CPED1: variants seen among roughly 807,000 people sequenced by gnomAD.
CPED1 encodes cadherin like and PC-esterase domain containing 1, also known as cadherin-like and PC-esterase domain-containing protein 1.
Under a neutral mutation model 128.2 loss-of-function variants are expected in CPED1, and 114 were observed. That is an observed-to-expected ratio of 0.89 (90% CI 0.76 to 1.04). CPED1 has a LOEUF of 1.04. Among genes scored for constraint, CPED1 ranks in the 50% least tolerant of loss-of-function variants. The probability of loss-of-function intolerance (pLI) is 0.00; values close to 1 mark genes in which losing one functional copy is unlikely to be tolerated. For synonymous variants in CPED1, 462 were observed against 426.7 expected, an observed-to-expected ratio of 1.08 and a Z score of -1.02; for missense variants, 1,211 against 1,207.1, an observed-to-expected ratio of 1.00 and a Z score of -0.05.
In CPED1 at chr7:121,059,826, C is replaced by A. The variant is rs1793604802; in HGVS notation, c.541-4412C>A. Among the ~76,000 whole-genome samples, 5 of 152,232 alleles carry A rather than the reference C, an allele frequency of 3.3e-5. No individual in the cohort carries two copies. In the South Asian group the frequency reaches 1.0e-3, roughly 31 times the overall value. Reference sequence around the variant, plus strand: ...GCATGCTGGCAGTCCTCACAGCCTTCGCTCGCTCTCGGCGCCTCCTCTGCC... The same window carrying A: ...GCATGCTGGCAGTCCTCACAGCCTTAGCTCGCTCTCGGCGCCTCCTCTGCC... On this transcript the variant is annotated intron_variant, in intron 4 of 22. Transcript: ENST00000310396.
intron 18 of CPED1, among the ~76,000 whole-genome samples, chr7:121,260,674 C>A (rs1463537488): frequency 6.6e-6 from 1 of 150,748 alleles, no homozygotes; most frequent in Non-Finnish European, 1.5e-5. Flanking sequence ...TGTGAAAGCT[C>A]TCCAGTAAAC....
intron 3 of CPED1, among the ~76,000 whole-genome samples, chr7:121,025,587 G>T (rs1792557350): frequency 6.6e-6 from 1 of 152,118 alleles, no homozygotes; most frequent in Non-Finnish European, 1.5e-5. Context: ...CTTGCTCGTG[G>T]TATGGGTTGG....
chr7:121,068,444 T>C (rs1323325138), intron 5 of CPED1, among the ~76,000 whole-genome samples: 2 of 151,986 alleles, frequency 1.3e-5, no homozygotes, highest in Non-Finnish European at 1.5e-5. Context: ...GCATTATTTC[T>C]GAGGGCTCTG....
At chr7:121,037,056 A>G (rs1792914307) in intron 3 of CPED1, among the ~76,000 whole-genome samples, 1 of 152,110 alleles carries the variant, frequency 6.6e-6, no homozygotes, top group Admixed American at 6.6e-5. Flanking sequence ...CTGGATGTAT[A>G]CAATGTGAAG....
intron 16 of CPED1, chr7:121,195,076 T>C (rs1352117728): frequency 2.0e-5 from 3 of 152,198 alleles, no homozygotes; most frequent in Non-Finnish European, 4.4e-5. Flanking sequence ...TTCAATATTA[T>C]GATTTTCTTG....
At chr7:121,230,415 A>C (rs1267025339) in intron 16 of CPED1, among the ~76,000 whole-genome samples, 1 of 152,060 alleles carries the variant, frequency 6.6e-6, no homozygotes, top group Non-Finnish European at 1.5e-5. Context: ...TTGGTGAGTA[A>C]CAGCAAACCT....
rs541187656 is a variant in CPED1, at chr7:121,200,728, A to G, written c.2056-35986A>G. ...CACAATTATCAGCAAATATTTGTTG[A>G]ATTGAATGAAACAGAAAGTTTGATA... On this transcript the variant is annotated intron_variant, in intron 16 of 22. Transcript: ENST00000310396. Among the ~76,000 whole-genome samples, 54 of 152,266 alleles carry G rather than the reference A, an allele frequency of 3.5e-4. 1 individual carries two copies. In the South Asian group the frequency reaches 0.01, roughly 29 times the overall value.
At chr7:121,141,858 C>T in intron 15 of CPED1, 115 bp from the exon 16 acceptor site, 2 of 738,992 alleles carry the variant, frequency 2.7e-6, no homozygotes, top group Non-Finnish European at 4.4e-6. Flanking sequence ...ATTGTACAGA[C>T]CTTTCCTGTT....
intron 5 of CPED1, among the ~76,000 whole-genome samples, chr7:121,088,763 CAAAAAAAAAAAAAA>C (rs71170226): frequency 2.0e-4 from 11 of 53,794 alleles, no homozygotes; most frequent in East Asian, 1.0e-3. Context: ...CAAAAATTGG[CAAAAAAAAAAAAAA>C]AAAAAAAAAA....
chr7:121,038,769 G>C (rs888761490), intron 3 of CPED1, among the ~76,000 whole-genome samples: 1 of 151,768 alleles, frequency 6.6e-6, no homozygotes, highest in African/African-American at 2.4e-5. Flanking sequence ...TTATGACCTT[G>C]ACAGTTTTGA....
intron 5 of CPED1, among the ~76,000 whole-genome samples, chr7:121,078,041 G>T (rs886254736): frequency 1.4e-5 from 2 of 147,766 alleles, no homozygotes; most frequent in Non-Finnish European, 3.0e-5. Context: ...TATATGATTT[G>T]TATTTTTTGT....
intron 22 of CPED1, among the ~76,000 whole-genome samples, chr7:121,276,410 TATTCTTTTACTAAATC>T (rs1792330546): frequency 6.6e-6 from 1 of 152,164 alleles, no homozygotes; most frequent in African/African-American, 2.4e-5. Flanking sequence ...TGACCTTGTT[TATTCTTTTACTAAATC>T]ATTCAACATT....
chr7:121,287,403 A>G (rs1010590385), intron 22 of CPED1, among the ~76,000 whole-genome samples: 1 of 152,144 alleles, frequency 6.6e-6, no homozygotes, highest in African/African-American at 2.4e-5. Context: ...TCTCTAAGAG[A>G]CTGTTTACCA....
At chr7:121,182,247 A>T (rs1563057142) in intron 16 of CPED1, among the ~76,000 whole-genome samples, 1 of 151,748 alleles carries the variant, frequency 6.6e-6, no homozygotes, top group South Asian at 2.1e-4. Context: ...TCCAGAAAAA[A>T]ATACATATAA....
intron 16 of CPED1, among the ~76,000 whole-genome samples, chr7:121,142,718 A>G (rs1178476668): frequency 6.6e-6 from 1 of 152,022 alleles, no homozygotes; most frequent in African/African-American, 2.4e-5. Context: ...ATGTTACCCT[A>G]ACACTTTTGT....
intron 16 of CPED1, 98 bp downstream of exon 16, chr7:121,142,239 C>A: frequency 1.8e-6 from 2 of 1,124,528 alleles, no homozygotes; most frequent in Non-Finnish European, 2.6e-6. Flanking sequence ...AAATTGTATG[C>A]CTTGAAATCG....
intron 2 of CPED1, among the ~76,000 whole-genome samples, chr7:120,995,010 A>G (rs1796373054): frequency 6.6e-6 from 1 of 152,134 alleles, no homozygotes; most frequent in Admixed American, 6.5e-5. Flanking sequence ...GTTACCCTCT[A>G]TTACTTATAA....
chr7:121,153,844 G>GA (rs1233769525), intron 16 of CPED1, among the ~76,000 whole-genome samples: 2 of 151,998 alleles, frequency 1.3e-5, no homozygotes, highest in African/African-American at 4.8e-5. Context: ...CTGACAATTT[G>GA]AAAAAACTCA....
intron 7 of CPED1, among the ~76,000 whole-genome samples, chr7:121,119,354 A>G (rs1795330184): frequency 6.6e-6 from 1 of 150,752 alleles, no homozygotes; most frequent in South Asian, 2.1e-4. Context: ...CTTAGTAGAA[A>G]CGGGGTTTCA....
Sources: allele counts gnomAD v4.1 joint callset (sites outside exome capture counted in the v4.1 genomes callset), GRCh38; gene constraint gnomAD v4.1.1; transcripts MANE v1.5; gene names NCBI Gene and HGNC (gene_info 2026-07-23, HGNC 2026-07-21).